The following CADM1 variants were observed in gnomAD, a reference collection of about 807,000 sequenced individuals.
The protein encoded by CADM1 is cell adhesion molecule 1, also known as TSLC-1.
A neutral mutation model predicts 53.1 loss-of-function variants in CADM1; 15 were observed. The observed-to-expected ratio is 0.28, with a 90% CI of 0.19 to 0.44. The LOEUF (loss-of-function observed/expected upper bound fraction) is 0.44. CADM1 is among the 20% of genes least tolerant of loss of function. The pLI is 1.00. For missense variants in CADM1, 434 were observed against 611.3 expected, an observed-to-expected ratio of 0.71 and a Z score of 3.06; for synonymous variants, 281 against 243.0, an observed-to-expected ratio of 1.16 and a Z score of -1.45.
chr11:115,260,212 G>A (rs775261219), intron 1 of CADM1, among the ~76,000 whole-genome samples: 2 of 152,188 alleles, frequency 1.3e-5, no homozygotes, highest in Non-Finnish European at 2.9e-5. Context: ...TTACAGGCAT[G>A]AGCCACCATG....
In CADM1 at chr11:115,256,222, T is replaced by C. The variant is rs1023186406; in HGVS notation, c.125-15802A>G. Among the ~76,000 whole-genome samples, 11 of 152,322 alleles carry C rather than the reference T, an allele frequency of 7.2e-5. No homozygotes were observed. In the Middle Eastern group the frequency reaches 0.014, roughly 188 times the overall value. ...AAAAAATAAAAGCTATCTTACCCAT[T>C]ACAACAGGCCTTTTCACTCTGGCTA... is the stretch of plus-strand genomic sequence containing the variant. On this transcript the variant is annotated intron_variant, in intron 1 of 11. Transcript: ENST00000331581.
At chr11:115,306,169 A>G (rs1477218414) in intron 1 of CADM1, among the ~76,000 whole-genome samples, 1 of 151,572 alleles carries the variant, frequency 6.6e-6, no homozygotes, top group Non-Finnish European at 1.5e-5. Flanking sequence ...TAGTGGTCCC[A>G]TAAGATTATA....
chr11:115,201,152 C>T (rs995651568), intron 8 of CADM1, among the ~76,000 whole-genome samples: 23 of 152,128 alleles, frequency 1.5e-4, no homozygotes, highest in African/African-American at 5.6e-4. Flanking sequence ...ATGTTCAAGT[C>T]ACACACACGA....
At chr11:115,311,263 G>A (rs1036103777) in intron 1 of CADM1, among the ~76,000 whole-genome samples, 2 of 152,040 alleles carry the variant, frequency 1.3e-5, no homozygotes, top group Admixed American at 6.6e-5. Context: ...CATGGAAGAC[G>A]TCTCAGGAAA....
chr11:115,458,371 C>A (rs1247503476), intron 1 of CADM1, among the ~76,000 whole-genome samples: 1 of 151,898 alleles, frequency 6.6e-6, no homozygotes, highest in East Asian at 1.9e-4. Context: ...GTTTCCTCAT[C>A]AGTAAAATGA....
In CADM1 at chr11:115,279,856, T is replaced by C. The variant is rs1049408391; in HGVS notation, c.125-39436A>G. ...ACAATATTCCTTCTTACATGTGAAA[T>C]ATTTAGCTCCTACCCAGCTCATCAC... is the stretch of plus-strand genomic sequence containing the variant. On this transcript the variant is annotated intron_variant, in intron 1 of 11. Coordinates refer to ENST00000331581, the MANE Select transcript of CADM1 (RefSeq NM_001301043.2). Among the ~76,000 whole-genome samples, 4 of 152,194 alleles carry C rather than the reference T, an allele frequency of 2.6e-5. No homozygotes were observed. The South Asian group carries it at 8.3e-4, about 32-fold the overall frequency.
chr11:115,293,305 C>T (rs529407290), intron 1 of CADM1, among the ~76,000 whole-genome samples: 31 of 152,142 alleles, frequency 2.0e-4, no homozygotes, highest in Admixed American at 9.8e-4. Flanking sequence ...TGGTGGCGGG[C>T]GCCTGTAGTC....
chr11:115,226,680 G>A (rs541280723), intron 5 of CADM1, among the ~76,000 whole-genome samples: 2 of 152,274 alleles, frequency 1.3e-5, no homozygotes, highest in East Asian at 3.9e-4. Flanking sequence ...GGCTGTGGGG[G>A]GCACTGGAGT....
At chr11:115,482,530 T>A (rs754614196) in intron 1 of CADM1, among the ~76,000 whole-genome samples, 2 of 152,170 alleles carry the variant, frequency 1.3e-5, no homozygotes, top group South Asian at 2.1e-4. Flanking sequence ...AAACAGTACT[T>A]CCTGAAGCTT....
intron 1 of CADM1, among the ~76,000 whole-genome samples, chr11:115,500,875 G>T (rs1048917439): frequency 1.3e-5 from 2 of 152,164 alleles, no homozygotes; most frequent in Non-Finnish European, 1.5e-5. Context: ...GTGAGCCGGG[G>T]ACCAACTCCG....
chr11:115,337,254 T>C (rs1945291299), intron 1 of CADM1, among the ~76,000 whole-genome samples: 1 of 152,178 alleles, frequency 6.6e-6, no homozygotes. Context: ...GAGATTTAGC[T>C]GGCATTATCA....
chr11:115,395,746 G>A (rs1356423737), intron 1 of CADM1, among the ~76,000 whole-genome samples: 2 of 152,090 alleles, frequency 1.3e-5, no homozygotes, highest in Non-Finnish European at 2.9e-5. Context: ...TTCAAACATG[G>A]AAGAAGAGGG....
chr11:115,474,879 A>G (rs555261999), intron 1 of CADM1, among the ~76,000 whole-genome samples: 1 of 152,202 alleles, frequency 6.6e-6, no homozygotes, highest in Non-Finnish European at 1.5e-5. Context: ...ATATCTCTAC[A>G]TACTTACTAG....
At chr11:115,373,930 T>A (rs542216793) in intron 1 of CADM1, among the ~76,000 whole-genome samples, 11 of 152,344 alleles carry the variant, frequency 7.2e-5, no homozygotes, top group African/African-American at 2.6e-4. Context: ...GTCTTGAATT[T>A]GAATTGGAAG....
At chr11:115,203,349 G>GA in intron 8 of CADM1, among the ~76,000 whole-genome samples, 1 of 152,282 alleles carries the variant, frequency 6.6e-6, no homozygotes, top group East Asian at 1.9e-4. Context: ...AGGGGGTACA[G>GA]AAAAGAGGAA....
intron 10 of CADM1, among the ~76,000 whole-genome samples, chr11:115,183,575 G>A (rs1192753348): frequency 6.6e-6 from 1 of 152,148 alleles, no homozygotes; most frequent in Non-Finnish European, 1.5e-5. Flanking sequence ...CAGAGTCCAA[G>A]GTCAGTCTTT....
In CADM1 at chr11:115,364,765, T is replaced by G. The variant is rs578099070; in HGVS notation, c.125-124345A>C. ...TATCACTCTCTACTGTTGAAAAATT[T>G]TAAACAGCTTCACAAAGCAATCAAT... is the stretch of plus-strand genomic sequence containing the variant. On this transcript the variant is annotated intron_variant, in intron 1 of 11. Coordinates refer to ENST00000331581, the MANE Select transcript of CADM1 (RefSeq NM_001301043.2). Among the ~76,000 whole-genome samples, 3 of 152,284 alleles carry G rather than the reference T, an allele frequency of 2.0e-5. No individual in the cohort carries two copies. In the South Asian group the frequency reaches 6.2e-4, roughly 32 times the overall value.
rs1051827878 is a variant in CADM1, at chr11:115,229,161, G to C, written c.673C>G (p.Pro225Ala). 2 of 1,613,932 alleles carry C rather than the reference G, an allele frequency of 1.2e-6. No homozygotes were observed. Among genetic ancestry groups the C allele is most frequent in the Non-Finnish European group, 1.7e-6 (2 of 1,180,006 alleles). Residue 225 changes from proline (P) to alanine (A), a missense_variant, in exon 5 of 12, where the codon CCT (proline) becomes GCT (alanine). By Grantham distance (27) the Pro-to-Ala change is conservative. This residue lies in a region of CADM1 where 311 missense variants were observed against 435.1 expected (regional missense o/e 0.71). Transcript: ENST00000331581. ...GTCTGCAGGTTTCCAGTGACCGCAGGGTGCTCCACCTGGCAGATCACTGGG... is the reference window on the plus strand; with the variant it reads ...GTCTGCAGGTTTCCAGTGACCGCAGCGTGCTCCACCTGGCAGATCACTGGG... Reference protein sequence around the residue: ...GVPVICQVEHPAVTGNLQTQR... With the variant: ...GVPVICQVEHAAVTGNLQTQR...
chr11:115,289,659 G>A (rs1277136778), intron 1 of CADM1, among the ~76,000 whole-genome samples: 3 of 144,374 alleles, frequency 2.1e-5, no homozygotes, highest in East Asian at 2.1e-4. Context: ...GCAGTGGCGC[G>A]ATCTCCGCTC....
Sources: gnomAD v4.1 joint callset for allele counts (sites outside exome capture counted in the v4.1 genomes callset) on GRCh38, gnomAD v4.1.1 for gene constraint, gnomAD v4.1.1 regional missense constraint, MANE v1.5 for transcripts, NCBI Gene and HGNC (gene_info 2026-07-23, HGNC 2026-07-21) for gene names.